SGCZ: variants seen among roughly 807,000 people sequenced by gnomAD.
SGCZ encodes sarcoglycan zeta.
In SGCZ, 40 loss-of-function variants were observed where a neutral mutation model predicts 41.3. The ratio of observed to expected loss-of-function variants is 0.97; its 90% CI spans 0.75 to 1.26. SGCZ has a LOEUF of 1.26. SGCZ is among the 50% of genes most tolerant of loss of function. The pLI, the probability that SGCZ is intolerant of heterozygous loss-of-function variation, is 0.00. For synonymous variants in SGCZ, 206 were observed against 137.5 expected (o/e 1.50, Z -3.49); for missense variants, 552 against 369.8 (o/e 1.49, Z -4.04).
At chr8:14,177,675 ATT>A (rs1193141913) in intron 4 of SGCZ, among the ~76,000 whole-genome samples, 5,769 of 111,328 alleles carry the variant, frequency 0.052, 85 homozygotes, top group Middle Eastern at 0.1. Context: ...ACGCCCTGCT[ATT>A]TTTTTTTTTT....
intron 1 of SGCZ, among the ~76,000 whole-genome samples, chr8:15,059,782 A>C (rs1804848514): frequency 6.6e-6 from 1 of 152,202 alleles, no homozygotes; most frequent in Non-Finnish European, 1.5e-5. Flanking sequence ...AGTTAGGAGA[A>C]TTTTCCTTTC....
chr8:14,442,601 T>C (rs1180791365), intron 2 of SGCZ, among the ~76,000 whole-genome samples: 2 of 152,226 alleles, frequency 1.3e-5, no homozygotes, highest in African/African-American at 4.8e-5. Context: ...AACAAAGTTT[T>C]GTTCAAATTA....
intron 1 of SGCZ, among the ~76,000 whole-genome samples, chr8:14,766,012 G>C (rs1177024240): frequency 2.0e-5 from 3 of 149,380 alleles, no homozygotes; most frequent in Non-Finnish European, 4.4e-5. Flanking sequence ...GACCAGGCTG[G>C]AGTACAGTGG....
intron 2 of SGCZ, among the ~76,000 whole-genome samples, chr8:14,526,460 C>G (rs7011834): frequency 2.2e-4 from 34 of 151,990 alleles, no homozygotes; most frequent in African/African-American, 8.2e-4. Context: ...ATAAACATAC[C>G]TTTTAAAAAA....
At chr8:14,567,862 G>C (rs1296836182) in intron 1 of SGCZ, among the ~76,000 whole-genome samples, 1 of 152,114 alleles carries the variant, frequency 6.6e-6, no homozygotes, top group Admixed American at 6.6e-5. Flanking sequence ...TCACTCCTGA[G>C]CCAGAGAGAC....
chr8:14,577,882 TACTC>T (rs935497011), intron 1 of SGCZ, among the ~76,000 whole-genome samples: 2 of 152,212 alleles, frequency 1.3e-5, no homozygotes, highest in African/African-American at 4.8e-5. Context: ...ACCATGTAAA[TACTC>T]AATAAACACT....
intron 1 of SGCZ, among the ~76,000 whole-genome samples, chr8:14,659,022 A>G (rs1263158302): frequency 1.3e-5 from 2 of 152,204 alleles, no homozygotes; most frequent in African/African-American, 2.4e-5. Flanking sequence ...CCCAATGTGA[A>G]AAAAACTATG....
At chr8:14,213,543 A>G (rs1805888991) in intron 4 of SGCZ, among the ~76,000 whole-genome samples, 1 of 152,118 alleles carries the variant, frequency 6.6e-6, no homozygotes, top group Non-Finnish European at 1.5e-5. Context: ...GCCTTAAAGC[A>G]TAATTAAAGG....
intron 2 of SGCZ, among the ~76,000 whole-genome samples, chr8:14,499,169 T>G (rs1802076371): frequency 6.6e-6 from 1 of 152,004 alleles, no homozygotes; most frequent in Non-Finnish European, 1.5e-5. Context: ...AAAATCTAAT[T>G]ATAGCCATGG....
chr8:14,283,761 T>C (rs754240659), intron 3 of SGCZ, among the ~76,000 whole-genome samples: 1 of 152,178 alleles, frequency 6.6e-6, no homozygotes, highest in Non-Finnish European at 1.5e-5. Context: ...ATGGTCTCTA[T>C]CATAACTACT....
At chr8:14,385,412 T>C (rs1279920418) in intron 2 of SGCZ, among the ~76,000 whole-genome samples, 1 of 152,174 alleles carries the variant, frequency 6.6e-6, no homozygotes, top group Non-Finnish European at 1.5e-5. Flanking sequence ...CCATTAATTC[T>C]AGGGTAGTAG....
At position 14,757,906 on chromosome 8, in the gene SGCZ, G is replaced by A. The variant is rs117364597; in HGVS notation, c.40-202980C>T. 3.8e-3 allele frequency among the ~76,000 whole-genome samples: 580 copies of A among 152,036 alleles called. 4 individuals carry two copies. Among genetic ancestry groups the A allele is most frequent in the South Asian group, 5.6e-3 (27 of 4,818 alleles). Reference sequence around the variant, plus strand: ...AGACAATATACTGTCTTATACTAACGCCTTTAAATGTGTTAAATAGTTTCA... The same window carrying A: ...AGACAATATACTGTCTTATACTAACACCTTTAAATGTGTTAAATAGTTTCA... On this transcript the variant is annotated intron_variant, in intron 1 of 7. Coordinates refer to ENST00000382080, the MANE Select transcript of SGCZ (RefSeq NM_139167.4).
At chr8:15,210,709 T>C (rs1217306554) in intron 1 of SGCZ, among the ~76,000 whole-genome samples, 1 of 152,152 alleles carries the variant, frequency 6.6e-6, no homozygotes, top group African/African-American at 2.4e-5. Flanking sequence ...TAGTGTACTT[T>C]ATCACCCGTC....
At chr8:14,638,710 T>G (rs1352392292) in intron 1 of SGCZ, among the ~76,000 whole-genome samples, 3 of 151,796 alleles carry the variant, frequency 2.0e-5, no homozygotes, top group African/African-American at 7.2e-5. Context: ...ATATCTCAGC[T>G]CCTCCACCCA....
chr8:14,630,374 C>T (rs1474831450), intron 1 of SGCZ, among the ~76,000 whole-genome samples: 1 of 151,766 alleles, frequency 6.6e-6, no homozygotes, highest in African/African-American at 2.4e-5. Context: ...TCAGGATTGG[C>T]TGCGATGGAG....
At chr8:14,332,788 A>C (rs1563262613) in intron 2 of SGCZ, 4 of 151,454 alleles carry the variant, frequency 2.6e-5, no homozygotes, top group Non-Finnish European at 5.9e-5. Flanking sequence ...TTTGGTTTGC[A>C]ATAGAGTATA....
chr8:14,175,961 T>C (rs186391893), intron 4 of SGCZ, among the ~76,000 whole-genome samples: 118 of 152,302 alleles, frequency 7.7e-4, no homozygotes, highest in African/African-American at 2.7e-3. Flanking sequence ...ATCTATTAGG[T>C]GTTATTCCAT....
chr8:15,112,605 G>T (rs1256407209), intron 1 of SGCZ, among the ~76,000 whole-genome samples: 1 of 152,234 alleles, frequency 6.6e-6, no homozygotes, highest in African/African-American at 2.4e-5. Flanking sequence ...TACATAGGCA[G>T]TTTCACTTCT....
intron 2 of SGCZ, among the ~76,000 whole-genome samples, chr8:14,389,791 C>T (rs1463316791): frequency 6.6e-6 from 1 of 151,938 alleles, no homozygotes; most frequent in African/African-American, 2.4e-5. Context: ...AAAAAAATAA[C>T]TATGACTAAT....
Sources: gnomAD v4.1 joint callset for allele counts (sites outside exome capture counted in the v4.1 genomes callset) on GRCh38, gnomAD v4.1.1 for gene constraint, MANE v1.5 for transcripts, NCBI Gene and HGNC (gene_info 2026-07-23, HGNC 2026-07-21) for gene names.